The following TBC1D30 variants were observed in gnomAD, a reference collection of about 807,000 sequenced individuals.
The protein encoded by TBC1D30 is TBC1 domain family member 30.
Under a neutral mutation model 63.2 loss-of-function variants are expected in TBC1D30, and 31 were observed. That is an observed-to-expected ratio of 0.49 (90% CI 0.37 to 0.66). TBC1D30 has a LOEUF of 0.66. Among genes scored for constraint, TBC1D30 ranks in the 30% least tolerant of loss-of-function variants. The pLI, the probability that TBC1D30 is intolerant of heterozygous loss-of-function variation, is 0.00. For synonymous variants in TBC1D30, 307 were observed against 361.5 expected (o/e 0.85, Z 1.71); for missense variants, 810 against 953.6 (o/e 0.85, Z 1.98).
chr12:64,838,774 G>A lies in TBC1D30; in HGVS notation c.855G>A (p.Lys285=). 1 of 1,536,384 alleles carries A rather than the reference G, an allele frequency of 6.5e-7. No individual in the cohort carries two copies. The change falls in exon 7 of 12, where the codon AAG becomes AAA. Residue 285 remains lysine, a synonymous_variant. Transcript: ENST00000539867. ...ATCLPNQTVL[K]IWDSVFFEGS... is the part of the protein sequence containing the mutation. ...GCCTCCCTAATCAGACCGTTTTAAA[G>A]ATCTGGGATTCAGTCTTCTTTGAAG...
intron 1 of TBC1D30, among the ~76,000 whole-genome samples, chr12:64,825,880 C>T (rs1408941424): frequency 6.6e-6 from 1 of 152,168 alleles, no homozygotes; most frequent in African/African-American, 2.4e-5. Flanking sequence ...GTTCACGGTC[C>T]CCGGCCCCCG....
intron 1 of TBC1D30, among the ~76,000 whole-genome samples, chr12:64,764,897 C>T (rs1870648707): frequency 6.6e-6 from 1 of 152,170 alleles, no homozygotes. Context: ...ACAAATAATT[C>T]TCAGAGGGGT....
Position 64,843,461 on chromosome 12 carries a change from T to A in TBC1D30, c.1014T>A (p.Leu338=), listed in dbSNP as rs923730992. The A allele has an allele frequency of 2.0e-6, 3 of 1,536,062 alleles. No individual in the cohort carries two copies. The African/African-American group carries it at 4.1e-5, about 21-fold the overall frequency. ...CCCAGGAGATGCTAGAGAATGATCT[T>A]CTGCAAAGCCATGAACTCATGCAGG... The part of the protein sequence containing the change: ...RLTQEMLEND[L]LQSHELMQTV... The change falls in exon 8 of 12, where the codon CTT becomes CTA. Residue 338 remains leucine, a synonymous_variant. Coordinates refer to ENST00000539867, the MANE Select transcript of TBC1D30 (RefSeq NM_015279.2).
intron 8 of TBC1D30, among the ~76,000 whole-genome samples, chr12:64,863,279 G>A (rs1287928617): frequency 4.6e-5 from 7 of 152,052 alleles, no homozygotes; most frequent in Non-Finnish European, 8.8e-5. Context: ...AGGTAACCAC[G>A]ATCCTGAGTT....
intron 11 of TBC1D30, among the ~76,000 whole-genome samples, chr12:64,873,947 G>A (rs1452089653): frequency 6.6e-6 from 1 of 152,150 alleles, no homozygotes; most frequent in Non-Finnish European, 1.5e-5. Flanking sequence ...CAGAGGGAGA[G>A]GCCTTCTCCC....
Position 64,869,804 on chromosome 12 carries a change from C to T in TBC1D30, c.1292-798C>T, listed in dbSNP as rs573924510. Among the ~76,000 whole-genome samples the T allele has an allele frequency of 3.9e-5, 6 of 152,256 alleles. No homozygotes were observed. In the South Asian group the frequency reaches 1.2e-3, roughly 32 times the overall value. On this transcript the variant is annotated intron_variant, in intron 10 of 11. Coordinates refer to ENST00000539867, the MANE Select transcript of TBC1D30 (RefSeq NM_015279.2). The stretch of plus-strand genomic sequence containing the variant: ...AAAATGAATTTCTGAGATGTTTAGC[C>T]TTTGTCTGAATAACACTCTCAGCAG...
intron 7 of TBC1D30, among the ~76,000 whole-genome samples, chr12:64,840,144 A>G (rs1026470511): frequency 6.6e-6 from 1 of 152,082 alleles, no homozygotes; most frequent in Admixed American, 6.5e-5. Context: ...AGCTGGGTAA[A>G]TAAATTCATC....
intron 8 of TBC1D30, among the ~76,000 whole-genome samples, chr12:64,859,020 CTG>C (rs139732055): frequency 0.041 from 6,043 of 147,656 alleles, 380 homozygotes; most frequent in African/African-American, 0.14. Flanking sequence ...TTTGACTAGG[CTG>C]TGTGTGTGTG....
intron 1 of TBC1D30, among the ~76,000 whole-genome samples, chr12:64,782,239 T>G (rs1871333223): frequency 6.6e-6 from 1 of 152,026 alleles, no homozygotes; most frequent in Non-Finnish European, 1.5e-5. Flanking sequence ...GTAATGTCCT[T>G]GGGCTGAGTT....
intron 10 of TBC1D30, among the ~76,000 whole-genome samples, chr12:64,867,162 C>T (rs1455932077): frequency 6.6e-6 from 1 of 151,964 alleles, no homozygotes; most frequent in Admixed American, 6.6e-5. Context: ...ACAACAACAA[C>T]AACATTAAAA....
At chr12:64,853,644 G>A (rs1176434696) in intron 8 of TBC1D30, among the ~76,000 whole-genome samples, 1 of 152,208 alleles carries the variant, frequency 6.6e-6, no homozygotes, top group Non-Finnish European at 1.5e-5. Context: ...GAATCTCCTG[G>A]TCTGTGGGTT....
intron 2 of TBC1D30, among the ~76,000 whole-genome samples, chr12:64,791,182 C>A (rs1296188965): frequency 5.3e-5 from 8 of 152,042 alleles, no homozygotes; most frequent in African/African-American, 1.9e-4. Flanking sequence ...AGAAGCCAGA[C>A]AAAAAAATTA....
chr12:64,804,290 G>C (rs1279715279), intron 2 of TBC1D30, among the ~76,000 whole-genome samples: 11 of 152,024 alleles, frequency 7.2e-5, no homozygotes, highest in African/African-American at 2.7e-4. Flanking sequence ...TTCGCTCTCT[G>C]TCTGTTATTG....
upstream of TBC1D30, among the ~76,000 whole-genome samples, chr12:64,777,496 C>T (rs1871117437): frequency 6.6e-6 from 1 of 152,186 alleles, no homozygotes. Flanking sequence ...CAGGAATGAA[C>T]TCCCATTCAC....
chr12:64,835,309 A>G (rs185894198), intron 5 of TBC1D30, among the ~76,000 whole-genome samples: 1 of 151,986 alleles, frequency 6.6e-6, no homozygotes, highest in African/African-American at 2.4e-5. Flanking sequence ...CAAAACTGTG[A>G]CCCTGAAAAG....
rs1463561422 is a variant in TBC1D30, at chr12:64,830,382, G to T, written c.288G>T (p.Trp96Cys). 4 of 1,524,620 alleles carry T rather than the reference G, an allele frequency of 2.6e-6. No individual in the cohort carries two copies. The highest frequency in any genetic ancestry group is 3.5e-6 in the Non-Finnish European group (4 of 1,138,366). The allele number at this position is 1,524,620 out of a possible 1,614,324, so 94.4% of individuals were successfully genotyped here. A position where few individuals can be genotyped will look rare whatever the true frequency, so the allele number is the denominator to read the frequency against. Residue 96 changes from tryptophan (W) to cysteine (C), a missense_variant, in exon 4 of 12, where the codon TGG (tryptophan) becomes TGT (cysteine). Trp to Cys is a radical substitution (Grantham distance 215). Around this residue, in one of 4 missense-constraint regions of TBC1D30, gnomAD observed 272 missense variants for 335.9 expected, o/e 0.81. Transcript: ENST00000539867. ...TTGTCTATGTAATATTTTAGGTTTG[G>T]TTGACCTTGGCAGATCATTATTTGC... ...GIPKEWRRKV[W>C]LTLADHYLHS... is the part of the protein sequence containing the mutation.
intron 1 of TBC1D30, among the ~76,000 whole-genome samples, chr12:64,764,868 A>ATG (rs1381349767): frequency 3.3e-5 from 5 of 152,254 alleles, no homozygotes; most frequent in African/African-American, 1.2e-4. Context: ...AAGGCAAAGA[A>ATG]TGACCAAGGT....
At chr12:64,825,770 G>T (rs1874281220) in intron 1 of TBC1D30, among the ~76,000 whole-genome samples, 1 of 152,230 alleles carries the variant, frequency 6.6e-6, no homozygotes, top group African/African-American at 2.4e-5. Flanking sequence ...GGGCACGGAG[G>T]TTTCTGGCAA....
At chr12:64,785,711 G>T (rs1295411072) in intron 1 of TBC1D30, among the ~76,000 whole-genome samples, 2 of 152,178 alleles carry the variant, frequency 1.3e-5, no homozygotes, top group African/African-American at 4.8e-5. Context: ...ATAAATGAGT[G>T]ACTTATTTGA....
Sources: allele counts gnomAD v4.1 joint callset (sites outside exome capture counted in the v4.1 genomes callset), GRCh38; gene constraint gnomAD v4.1.1; regional missense constraint gnomAD v4.1.1; transcripts MANE v1.5; gene names NCBI Gene and HGNC (gene_info 2026-07-23, HGNC 2026-07-21).